Variants in FANCB observed in about 807,000 individuals in gnomAD.
FANCB encodes FA complementation group B.
In FANCB, 5 loss-of-function variants were observed where a neutral mutation model predicts 38.9. That is an observed-to-expected ratio of 0.13 (90% CI 0.07 to 0.27). The LOEUF is 0.27. FANCB is among the 10% of genes least tolerant of loss of function. FANCB has a pLI of 1.00. For synonymous variants in FANCB, 236 were observed against 215.4 expected (o/e 1.10, Z -0.84); for missense variants, 573 against 602.7 (o/e 0.95, Z 0.52).
At chrX:14,779,856 T>A in the FANCB span, among the ~76,000 whole-genome samples, 1 of 110,751 alleles carries the variant, frequency 9.0e-6, no homozygotes, top group African/African-American at 3.4e-5. Flanking sequence ...TATTAACAAT[T>A]TTTCAGTAAG....
At chrX:14,850,479 G>A in intron 7 of FANCB, 26 bp downstream of exon 7, 1 of 1,137,611 alleles carries the variant, frequency 8.8e-7, no homozygotes, top group Non-Finnish European at 1.2e-6. Flanking sequence ...CATCAAGACA[G>A]TGTTATCATG....
chrX:14,696,056 G>A, the FANCB span, among the ~76,000 whole-genome samples: 1 of 110,004 alleles, frequency 9.1e-6, no homozygotes, highest in Non-Finnish European at 1.9e-5. Flanking sequence ...TACAATTGAA[G>A]TTTTGCCAAA....
chrX:14,843,546 A>G lies in FANCB; in HGVS notation c.*21T>C, dbSNP rs1231175673. 3 of 1,107,127 alleles carry G rather than the reference A, an allele frequency of 2.7e-6. No individual in the cohort carries two copies. The highest frequency in any genetic ancestry group is 2.3e-5 in the Admixed American group (1 of 43,129). The allele number at this position is 1,107,127 out of a possible 1,213,427, so 91.2% of individuals were successfully genotyped here. A position where few individuals can be genotyped will look rare whatever the true frequency, so the allele number is the denominator to read the frequency against. On this transcript the variant is annotated 3_prime_UTR_variant, in exon 10 of 10. Coordinates refer to ENST00000650831, the MANE Select transcript of FANCB (RefSeq NM_001018113.3). The stretch of plus-strand genomic sequence containing the variant: ...TGGTGGTGAAAACATATTTTAAAAT[A>G]TGATCAAATTGAAATTATAATTATA...
At chrX:14,865,896 C>T (rs1292874198) in intron 2 of FANCB, among the ~76,000 whole-genome samples, 2 of 111,969 alleles carry the variant, frequency 1.8e-5, no homozygotes, top group Non-Finnish European at 3.8e-5. Flanking sequence ...CAGAAAATTG[C>T]TTAAGGGTTA....
At chrX:14,857,707 T>C (rs1164246037) in intron 5 of FANCB, among the ~76,000 whole-genome samples, 155 bp downstream of exon 5, 1 of 111,957 alleles carries the variant, frequency 8.9e-6, no homozygotes, top group African/African-American at 3.2e-5. Context: ...TATCATAATA[T>C]TTGTACAGAG....
At chrX:14,839,059 C>A (rs756960957), downstream of FANCB, among the ~76,000 whole-genome samples, 5 of 110,914 alleles carry the variant, frequency 4.5e-5, no homozygotes, top group African/African-American at 1.3e-4. Flanking sequence ...GGGAGGAGGT[C>A]GAGGAGGGCG....
the FANCB span, among the ~76,000 whole-genome samples, chrX:14,800,984 T>C: frequency 1.1e-4 from 12 of 111,635 alleles, no homozygotes; most frequent in Non-Finnish European, 1.9e-4. Context: ...GCTGAGCTGA[T>C]AATTGTCAGT....
chrX:14,786,907 G>C, the FANCB span, among the ~76,000 whole-genome samples: 1 of 111,736 alleles, frequency 8.9e-6, no homozygotes, highest in Non-Finnish European at 1.9e-5. Context: ...ATAGACCATG[G>C]ATTTAGAGCT....
At chrX:14,845,776 C>T (rs374192746) in intron 7 of FANCB, among the ~76,000 whole-genome samples, 43 of 111,635 alleles carry the variant, frequency 3.9e-4, no homozygotes, top group African/African-American at 1.3e-3. Context: ...TTCCTCTAAA[C>T]GACTTGAATA....
the FANCB span, among the ~76,000 whole-genome samples, chrX:14,772,978 C>T: frequency 9.0e-6 from 1 of 111,215 alleles, no homozygotes; most frequent in Non-Finnish European, 1.9e-5. Flanking sequence ...CTTCCCCCAC[C>T]ACCACCCCAC....
At chrX:14,863,800 A>T (rs1446409175) in intron 3 of FANCB, among the ~76,000 whole-genome samples, 3 of 98,634 alleles carry the variant, frequency 3.0e-5, no homozygotes, top group Non-Finnish European at 6.3e-5. Flanking sequence ...TTCAGAAATG[A>T]ATCAGAGACA....
At chrX:14,690,744 C>T in the FANCB span, 2 of 1,204,001 alleles carry the variant, frequency 1.7e-6, no homozygotes, top group Non-Finnish European at 2.2e-6. Context: ...ATCTGGATGG[C>T]GGTGTGCCTT....
At chrX:14,752,242 G>C in the FANCB span, among the ~76,000 whole-genome samples, 2 of 111,681 alleles carry the variant, frequency 1.8e-5, no homozygotes, top group Admixed American at 9.5e-5. Flanking sequence ...TTCCACAGGG[G>C]TAACTACAGG....
At chrX:14,818,713 T>C in the FANCB span, among the ~76,000 whole-genome samples, 4 of 112,248 alleles carry the variant, frequency 3.6e-5, no homozygotes, top group Admixed American at 3.8e-4. Context: ...ACATTTACTT[T>C]AATATTTTAA....
chrX:14,807,919 T>C, the FANCB span, among the ~76,000 whole-genome samples: 1 of 111,966 alleles, frequency 8.9e-6, no homozygotes, highest in Non-Finnish European at 1.9e-5. Context: ...GGATCATTAA[T>C]GGCTACTATG....
chrX:14,838,470 C>T (rs775932237), downstream of FANCB, among the ~76,000 whole-genome samples: 1 of 111,542 alleles, frequency 9.0e-6, no homozygotes, highest in Non-Finnish European at 1.9e-5. Context: ...TGGTCCTGGT[C>T]TCCTTCAGAT....
chrX:14,745,687 A>ATTTTTT, the FANCB span, among the ~76,000 whole-genome samples: 1 of 29,219 alleles, frequency 3.4e-5, no homozygotes, highest in Non-Finnish European at 5.7e-5. Context: ...AAACTCTGGA[A>ATTTTTT]TTTTTTTTTT....
At chrX:14,862,470 G>A (rs373092105) in intron 3 of FANCB, 13 of 111,900 alleles carry the variant, frequency 1.2e-4, no homozygotes, top group East Asian at 5.6e-4. Context: ...GAATGATGCA[G>A]TCTCCTGCCT....
At chrX:14,812,022 G>A in the FANCB span, among the ~76,000 whole-genome samples, 7 of 111,235 alleles carry the variant, frequency 6.3e-5, no homozygotes, top group African/African-American at 2.3e-4. Context: ...ATTCCAAACC[G>A]CTCAACTACA....
Sources: allele counts gnomAD v4.1 joint callset (sites outside exome capture counted in the v4.1 genomes callset), GRCh38; gene constraint gnomAD v4.1.1; transcripts MANE v1.5; gene names NCBI Gene and HGNC (gene_info 2026-07-23, HGNC 2026-07-21).